Variants in TICAM1 observed in about 807,000 individuals in gnomAD.
The protein encoded by TICAM1 is TIR domain containing adaptor molecule 1.
For synonymous variants in TICAM1, 439 were observed against 415.4 expected, an observed-to-expected ratio of 1.06 and a Z score of -0.69; for missense variants, 895 against 938.2, an observed-to-expected ratio of 0.95 and a Z score of 0.60.
At position 4,818,256 on chromosome 19, in the gene TICAM1, T is replaced by G; in HGVS notation, c.122A>C (p.Asp41Ala). The G allele has an allele frequency of 6.2e-7, 1 of 1,613,202 alleles. No homozygotes were observed. The highest frequency in any genetic ancestry group is 1.7e-5 in the Admixed American group (1 of 60,006). The change falls in exon 2 of 2, where the codon GAC (aspartate) becomes GCC (alanine). Residue 41 changes from aspartate (D) to alanine (A), a missense_variant. By Grantham distance (126) the Asp-to-Ala change is moderately radical. Transcript: ENST00000248244. This position sits in a 1 kb window ranked among gnomAD's most constrained non-coding sequence, Gnocchi z 4.0. ...CAGGAGAACCATGGCATGCAGGAGG[T>G]CCTGCCCCTGGCAGCCTGGGCGTGG... ...KTPRPGCQGQ[D>A]LLHAMVLLKL...
intron 1 of TICAM1, among the ~76,000 whole-genome samples, chr19:4,830,628 G>T (rs555939953): frequency 3.4e-4 from 52 of 152,308 alleles, no homozygotes; most frequent in African/African-American, 1.3e-3. Flanking sequence ...CCCTCACAGA[G>T]CTCCCAGTCT....
chr19:4,818,047 CG>C lies in TICAM1; in HGVS notation c.330del (p.Ala111ProfsTer143). On this transcript the variant is annotated frameshift_variant, in exon 2 of 2. Transcript: ENST00000248244. LOFTEE classifies it low-confidence loss of function (END_TRUNC). This position sits in a 1 kb window ranked among gnomAD's most constrained non-coding sequence, Gnocchi z 4.0. The part of the protein sequence containing the change: ...YHLLAEEKLC[P>X]ASLRDVAYQE... Reference sequence around the variant, plus strand: ...TGGTAGGCCACGTCCCGCAGCGAGGCGGGGCACAGCTTCTCCTCAGCCAGCA... The same window carrying C: ...TGGTAGGCCACGTCCCGCAGCGAGGCGGGCACAGCTTCTCCTCAGCCAGCA... 6.2e-7 allele frequency: 1 copy of C among 1,608,410 alleles called. No homozygotes were observed. Among genetic ancestry groups the C allele is most frequent in the Non-Finnish European group, 8.5e-7 (1 of 1,179,914 alleles).
intron 1 of TICAM1, among the ~76,000 whole-genome samples, chr19:4,820,444 G>A (rs2093595435): frequency 1.3e-5 from 2 of 151,026 alleles, no homozygotes; most frequent in Non-Finnish European, 3.0e-5. Context: ...AAAGTTTGGA[G>A]CCAGGCCTGG....
At chr19:4,827,004 A>AAATAATAAT (rs139949265) in intron 1 of TICAM1, among the ~76,000 whole-genome samples, 1 of 150,260 alleles carries the variant, frequency 6.7e-6, no homozygotes, top group Non-Finnish European at 1.5e-5. Flanking sequence ...TAATCTTAGG[A>AAATAATAAT]AATAATAATA....
intron 1 of TICAM1, among the ~76,000 whole-genome samples, chr19:4,825,184 G>A (rs1298385933): frequency 6.6e-6 from 1 of 151,990 alleles, no homozygotes; most frequent in African/African-American, 2.4e-5. Flanking sequence ...GGAGGCTGAG[G>A]GAGGAGAATT....
chr19:4,820,406 T>G (rs1300375433), intron 1 of TICAM1, among the ~76,000 whole-genome samples: 5 of 130,600 alleles, frequency 3.8e-5, no homozygotes, highest in Non-Finnish European at 8.2e-5. Context: ...GGCGACAGAG[T>G]GAGACTCCAT....
intron 1 of TICAM1, 83 bp downstream of exon 1, chr19:4,831,531 C>G (rs1009683692): frequency 6.6e-6 from 1 of 152,208 alleles, no homozygotes; most frequent in Admixed American, 6.5e-5. Context: ...GGAGCCCTGG[C>G]GAGCGGCACG....
At position 4,816,570 on chromosome 19, in the gene TICAM1, T is replaced by G. The variant is rs371157055; in HGVS notation, c.1808A>C (p.Tyr603Ser). 3 of 1,612,776 alleles carry G rather than the reference T, an allele frequency of 1.9e-6. No homozygotes were observed. Among genetic ancestry groups the G allele is most frequent in the African/African-American group, 2.7e-5 (2 of 74,914 alleles). Residue 603 changes from tyrosine (Y) to serine (S), a missense_variant, in exon 2 of 2, where the codon TAT becomes TCT. Transcript: ENST00000248244. The surrounding 1 kb of genome is among the most constrained non-coding windows in gnomAD (Gnocchi z 4.3). ...SHMSFGTGAPYGARMPFGGQV... is the reference protein window; with the variant it reads ...SHMSFGTGAPSGARMPFGGQV... ...GCCCCCAAAGGGCATTCGAGCCCCA[T>G]AGGGCGCCCCAGTCCCAAATGACAT... is the stretch of plus-strand genomic sequence containing the variant.
At chr19:4,829,587 C>T (rs1011073221) in intron 1 of TICAM1, among the ~76,000 whole-genome samples, 1 of 152,074 alleles carries the variant, frequency 6.6e-6, no homozygotes, top group Non-Finnish European at 1.5e-5. Flanking sequence ...GTTTCTCAGC[C>T]TCAGCTTCCT....
chr19:4,820,849 A>G (rs946325312), intron 1 of TICAM1, among the ~76,000 whole-genome samples: 1 of 151,904 alleles, frequency 6.6e-6, no homozygotes, highest in African/African-American at 2.4e-5. Flanking sequence ...GTGCCACTGC[A>G]CTCCAGCCTG....
intron 1 of TICAM1, among the ~76,000 whole-genome samples, chr19:4,829,159 C>T (rs12459229): frequency 0.011 from 1,748 of 152,216 alleles, 60 homozygotes; most frequent in Admixed American, 0.067. Context: ...AAAGCAGTGC[C>T]TGGCACACGC....
chr19:4,816,477 T>C lies in TICAM1; in HGVS notation c.1901A>G (p.His634Arg), dbSNP rs1276340415. Residue 634 changes from histidine to arginine, a missense_variant, in exon 2 of 2, where the codon CAC becomes CGC. Physicochemically the swap from His to Arg is conservative, Grantham distance 29 (BLOSUM62 0). Coordinates refer to ENST00000248244, the MANE Select transcript of TICAM1 (RefSeq NM_182919.4). This position sits in a 1 kb window ranked among gnomAD's most constrained non-coding sequence, Gnocchi z 4.3. ...WPGCPQPPPLHAWQAGTPPPP... is the reference protein window; with the variant it reads ...WPGCPQPPPLRAWQAGTPPPP... ...TGGGGGGGTGCCAGCCTGCCATGCGTGCAGGGGTGGCGGCTGCGGGCACCC... is the reference window on the plus strand; with the variant it reads ...TGGGGGGGTGCCAGCCTGCCATGCGCGCAGGGGTGGCGGCTGCGGGCACCC... 3.2e-6 allele frequency: 5 copies of C among 1,568,700 alleles called. No individual in the cohort carries two copies. The highest frequency in any genetic ancestry group is 1.8e-5 in the Admixed American group (1 of 54,578).
chr19:4,826,604 C>T lies in TICAM1; in HGVS notation c.-140+5010G>A, dbSNP rs975003050. Among the ~76,000 whole-genome samples the T allele has an allele frequency of 3.3e-5, 5 of 152,128 alleles. No individual in the cohort carries two copies. In the South Asian group the frequency reaches 6.2e-4, roughly 19 times the overall value. ...CCTCCCAAAGTGCTGGGATTACAGGCGTGAGCCACTGTTCGCGGCTGCTTC... is the reference window on the plus strand; with the variant it reads ...CCTCCCAAAGTGCTGGGATTACAGGTGTGAGCCACTGTTCGCGGCTGCTTC... On this transcript the variant is annotated intron_variant, in intron 1 of 1. Coordinates refer to ENST00000248244, the MANE Select transcript of TICAM1 (RefSeq NM_182919.4).
rs1161552091 is a variant in TICAM1, at chr19:4,816,045, CCACCCTGAAAGCCAGGG to C, written c.*177_*193del. The C allele has an allele frequency of 5.2e-6, 4 of 776,666 alleles. No homozygotes were observed. Among genetic ancestry groups the C allele is most frequent in the Non-Finnish European group, 7.1e-6 (4 of 567,344 alleles). The allele number at this position is 776,666 out of a possible 1,614,324, so 48.1% of individuals were successfully genotyped here. ...TTGTAAACACCGTATCCAGTTCTGA[CCACCCTGAAAGCCAGGG>C]CATCATCGCGCCCGTTTTGTCCTAA... On this transcript the variant is annotated 3_prime_UTR_variant, in exon 2 of 2. Transcript: ENST00000248244. The surrounding 1 kb of genome is among the most constrained non-coding windows in gnomAD (Gnocchi z 4.3).
rs763998229 is a variant in TICAM1, at chr19:4,817,144, C to T, written c.1234G>A (p.Val412Ile). The T allele has an allele frequency of 1.2e-6, 2 of 1,614,046 alleles. No homozygotes were observed. The highest frequency in any genetic ancestry group is 2.2e-5 in the East Asian group (1 of 44,886). ...CCAAGGGCCTCCAGCTTCTCCCGAA[C>T]CCGCAGGGCGATGTGTTCGTCTGCC... ...ARADEHIALRVREKLEALGVP... is the reference protein window; with the variant it reads ...ARADEHIALRIREKLEALGVP... Residue 412 changes from valine to isoleucine, a missense_variant, in exon 2 of 2, where the codon GTT (valine) becomes ATT (isoleucine). Physicochemically the swap from Val to Ile is conservative, Grantham distance 29. Coordinates refer to ENST00000248244, the MANE Select transcript of TICAM1 (RefSeq NM_182919.4). The surrounding 1 kb of genome is among the most constrained non-coding windows in gnomAD (Gnocchi z 4.7).
intron 1 of TICAM1, among the ~76,000 whole-genome samples, chr19:4,828,347 C>T (rs990348726): frequency 8.7e-5 from 13 of 149,790 alleles, no homozygotes; most frequent in African/African-American, 3.0e-4. Flanking sequence ...AAGTGATCCT[C>T]CCACTCAGCC....
chr19:4,831,424 CG>C (rs2093613473), intron 1 of TICAM1, among the ~76,000 whole-genome samples, 189 bp downstream of exon 1: 3 of 151,728 alleles, frequency 2.0e-5, no homozygotes, highest in African/African-American at 7.3e-5. Flanking sequence ...GCCACCAGCG[CG>C]GGGAGCTGGA....
At chr19:4,826,394 G>A (rs921871744) in intron 1 of TICAM1, among the ~76,000 whole-genome samples, 4 of 151,870 alleles carry the variant, frequency 2.6e-5, no homozygotes, top group Admixed American at 1.3e-4. Context: ...GCATGATCTC[G>A]ACTCACTGCA....
In TICAM1 at chr19:4,824,802, G is replaced by A. The variant is rs147375219; in HGVS notation, c.-139-6286C>T. Among the ~76,000 whole-genome samples the A allele has an allele frequency of 5.4e-3, 816 of 152,082 alleles. 6 individuals carry two copies. Among genetic ancestry groups the A allele is most frequent in the African/African-American group, 0.019 (774 of 41,522 alleles). On this transcript the variant is annotated intron_variant, in intron 1 of 1. Coordinates refer to ENST00000248244, the MANE Select transcript of TICAM1 (RefSeq NM_182919.4). ...AGAAAAATTAGCCACGTGTGGTGGC[G>A]GGTGCCTGTAGTCCCAGCTACTAGG...
Sources: allele counts gnomAD v4.1 joint callset (sites outside exome capture counted in the v4.1 genomes callset), GRCh38; gene constraint gnomAD v4.1.1; non-coding constraint Gnocchi (gnomAD v3.1); transcripts MANE v1.5; gene names NCBI Gene and HGNC (gene_info 2026-07-23, HGNC 2026-07-21).